Variants in MARCHF1 observed in about 807,000 individuals in gnomAD.
The protein encoded by MARCHF1 is membrane associated ring-CH-type finger 1, also known as E3 ubiquitin-protein ligase MARCHF1.
A neutral mutation model predicts 54.2 loss-of-function variants in MARCHF1; 40 were observed. The ratio of observed to expected loss-of-function variants is 0.74; its 90% CI spans 0.57 to 0.96. The LOEUF is 0.96. MARCHF1 is among the 40% of genes least tolerant of loss of function. The pLI is 0.00. For synonymous variants in MARCHF1, 236 were observed against 236.3 expected, an observed-to-expected ratio of 1.00 and a Z score of 0.01; for missense variants, 586 against 656.5, an observed-to-expected ratio of 0.89 and a Z score of 1.17.
intron 2 of MARCHF1, among the ~76,000 whole-genome samples, chr4:164,105,966 G>T (rs776179179): frequency 4.8e-5 from 7 of 147,062 alleles, no homozygotes; most frequent in Non-Finnish European, 1.1e-4. Flanking sequence ...GACATGAACA[G>T]ACACTTCTCA....
chr4:163,645,377 A>T (rs1395093081), intron 5 of MARCHF1, among the ~76,000 whole-genome samples: 1 of 152,158 alleles, frequency 6.6e-6, no homozygotes, highest in Non-Finnish European at 1.5e-5. Flanking sequence ...AGAAAGCCTT[A>T]ACCTGCCAAA....
At chr4:163,591,992 G>T (rs1740606705) in intron 7 of MARCHF1, among the ~76,000 whole-genome samples, 1 of 152,064 alleles carries the variant, frequency 6.6e-6, no homozygotes, top group Non-Finnish European at 1.5e-5. Context: ...TACTCTTATT[G>T]ACATGGAGAC....
intron 8 of MARCHF1, among the ~76,000 whole-genome samples, chr4:163,567,441 T>C (rs539427558): frequency 6.6e-6 from 1 of 152,310 alleles, no homozygotes; most frequent in South Asian, 2.1e-4. Context: ...TTATGCCTAC[T>C]GAACCAAGAT....
intron 2 of MARCHF1, among the ~76,000 whole-genome samples, chr4:164,052,457 G>A (rs567334489): frequency 8.7e-4 from 133 of 152,126 alleles, no homozygotes; most frequent in African/African-American, 2.7e-3. Context: ...ACTTGAACCC[G>A]GGAGGTGGAG....
At chr4:163,626,587 T>A (rs955782643) in intron 5 of MARCHF1, among the ~76,000 whole-genome samples, 1 of 152,178 alleles carries the variant, frequency 6.6e-6, no homozygotes, top group African/African-American at 2.4e-5. Flanking sequence ...TCTGTGATAG[T>A]TCATGAGTAA....
intron 1 of MARCHF1, among the ~76,000 whole-genome samples, chr4:164,239,055 T>C (rs1354879611): frequency 6.6e-6 from 1 of 152,018 alleles, no homozygotes; most frequent in Non-Finnish European, 1.5e-5. Context: ...GGTTATATAT[T>C]TGTTGATTAT....
chr4:163,863,580 A>T (rs768536771), intron 3 of MARCHF1, among the ~76,000 whole-genome samples: 20 of 152,162 alleles, frequency 1.3e-4, no homozygotes, highest in South Asian at 1.0e-3. Context: ...AATATGGATA[A>T]ATGTGATTAC....
intron 2 of MARCHF1, among the ~76,000 whole-genome samples, chr4:164,026,225 A>C (rs1753765999): frequency 1.3e-5 from 2 of 152,102 alleles, no homozygotes; most frequent in Non-Finnish European, 2.9e-5. Context: ...CTACTCCCTA[A>C]CTCACCCTAT....
Position 163,528,417 on chromosome 4 carries a change from C to T in MARCHF1, c.*331G>A. 1 of 235,472 alleles carries T rather than the reference C, an allele frequency of 4.2e-6. No individual in the cohort carries two copies. Among genetic ancestry groups the T allele is most frequent in the Non-Finnish European group, 8.3e-6 (1 of 121,028 alleles). The allele number at this position is 235,472 out of a possible 1,614,324, so 14.6% of individuals were successfully genotyped here. On this transcript the variant is annotated 3_prime_UTR_variant, in exon 10 of 10. Transcript: ENST00000514618. ...GTATTCTTGAACTTTTCCCCTGTTA[C>T]TGTGAAGAAGAGTATCATGGGTCCA...
intron 2 of MARCHF1, among the ~76,000 whole-genome samples, chr4:164,083,396 C>T (rs1485153622): frequency 6.6e-6 from 1 of 151,778 alleles, no homozygotes; most frequent in African/African-American, 2.4e-5. Flanking sequence ...CACATGTTTT[C>T]TAAAGAAGCA....
chr4:163,765,510 T>C (rs547013566), intron 4 of MARCHF1, among the ~76,000 whole-genome samples: 1 of 152,256 alleles, frequency 6.6e-6, no homozygotes, highest in East Asian at 1.9e-4. Flanking sequence ...TTACATAAAT[T>C]AAGGCATTCT....
At chr4:163,989,386 G>T (rs1388849487) in intron 2 of MARCHF1, among the ~76,000 whole-genome samples, 3 of 152,124 alleles carry the variant, frequency 2.0e-5, no homozygotes, top group Non-Finnish European at 4.4e-5. Flanking sequence ...ACCATTCAGT[G>T]CACCTTTCTT....
intron 5 of MARCHF1, among the ~76,000 whole-genome samples, chr4:163,633,856 G>T (rs1049974602): frequency 1.3e-4 from 20 of 152,108 alleles, no homozygotes; most frequent in Non-Finnish European, 2.5e-4. Flanking sequence ...GAAAGGTCGG[G>T]TTACCCTCAA....
At chr4:163,721,011 A>C (rs1745435856) in intron 4 of MARCHF1, among the ~76,000 whole-genome samples, 1 of 152,102 alleles carries the variant, frequency 6.6e-6, no homozygotes, top group Admixed American at 6.6e-5. Flanking sequence ...CTAATTGAAT[A>C]CCTTTTATTT....
chr4:163,549,240 C>T (rs1739016440), intron 8 of MARCHF1, among the ~76,000 whole-genome samples: 1 of 152,122 alleles, frequency 6.6e-6, no homozygotes, highest in African/African-American at 2.4e-5. Context: ...TTCCCACATG[C>T]CCCCTAGAAA....
At chr4:163,568,773 T>A (rs1292028459) in intron 8 of MARCHF1, among the ~76,000 whole-genome samples, 1 of 152,100 alleles carries the variant, frequency 6.6e-6, no homozygotes, top group Non-Finnish European at 1.5e-5. Flanking sequence ...CACAAATTTG[T>A]CTGTGGCTGT....
intron 1 of MARCHF1, chr4:164,196,932 A>G: frequency 6.3e-7 from 1 of 1,575,730 alleles, no homozygotes; most frequent in Non-Finnish European, 8.7e-7. Flanking sequence ...GGGTAAAAAC[A>G]GTCAAATCAC....
chr4:163,746,368 C>T (rs1746361611), intron 4 of MARCHF1, among the ~76,000 whole-genome samples: 1 of 152,050 alleles, frequency 6.6e-6, no homozygotes, highest in Admixed American at 6.6e-5. Context: ...GAATAATATT[C>T]CATTGTCTGT....
At chr4:164,187,026 CT>C (rs55754853) in intron 1 of MARCHF1, among the ~76,000 whole-genome samples, 246 of 147,646 alleles carry the variant, frequency 1.7e-3, no homozygotes, top group Middle Eastern at 3.4e-3. Context: ...CTGAAGCAAT[CT>C]TTTTTTTTTT....
Sources: gnomAD v4.1 joint callset for allele counts (sites outside exome capture counted in the v4.1 genomes callset) on GRCh38, gnomAD v4.1.1 for gene constraint, MANE v1.5 for transcripts, NCBI Gene and HGNC (gene_info 2026-07-23, HGNC 2026-07-21) for gene names.